AXDND1: variants seen among roughly 807,000 people sequenced by gnomAD.
AXDND1 encodes axonemal dynein light chain domain containing 1, also known as axonemal dynein light chain domain-containing protein 1.
A neutral mutation model predicts 137.5 loss-of-function variants in AXDND1; 110 were observed. The ratio of observed to expected loss-of-function variants is 0.80; its 90% CI spans 0.69 to 0.94. The LOEUF is 0.94. Ranked by LOEUF, AXDND1 falls within the 40% of genes least tolerant of loss-of-function variation. The pLI is 0.00. For synonymous variants in AXDND1, 414 were observed against 399.7 expected (o/e 1.04, Z -0.43); for missense variants, 1,191 against 1,169.8 (o/e 1.02, Z -0.26).
At chr1:179,410,473 C>G (rs1417444114) in intron 11 of AXDND1, among the ~76,000 whole-genome samples, 1 of 152,234 alleles carries the variant, frequency 6.6e-6, no homozygotes, top group Non-Finnish European at 1.5e-5. Flanking sequence ...GGTGATCTAC[C>G]TGCCTCGGCC....
intron 23 of AXDND1, among the ~76,000 whole-genome samples, chr1:179,531,766 A>G (rs1671056254): frequency 6.6e-6 from 1 of 152,174 alleles, no homozygotes; most frequent in Non-Finnish European, 1.5e-5. Context: ...CCCAAAGCCC[A>G]TTAGTAGAGT....
At chr1:179,393,008 G>A (rs1470879472) in intron 9 of AXDND1, among the ~76,000 whole-genome samples, 1 of 151,906 alleles carries the variant, frequency 6.6e-6, no homozygotes, top group Non-Finnish European at 1.5e-5. Context: ...TGTTTTTGTT[G>A]CATTTGCTTT....
At chr1:179,405,232 T>C (rs1652763117) in intron 11 of AXDND1, among the ~76,000 whole-genome samples, 1 of 152,190 alleles carries the variant, frequency 6.6e-6, no homozygotes, top group African/African-American at 2.4e-5. Flanking sequence ...TTCATCCATG[T>C]CCCTGCAAAG....
chr1:179,456,885 G>C (rs930558655), intron 16 of AXDND1: 5 of 914,730 alleles, frequency 5.5e-6, no homozygotes, highest in Non-Finnish European at 9.0e-6. Context: ...ATTGTCAAAG[G>C]TTACAAAGGC....
In AXDND1 at chr1:179,385,296, A is replaced by G. The variant is rs772429676; in HGVS notation, c.800A>G (p.His267Arg). 3 of 1,613,322 alleles carry G rather than the reference A, an allele frequency of 1.9e-6. No individual in the cohort carries two copies. Among genetic ancestry groups the G allele is most frequent in the Admixed American group, 3.3e-5 (2 of 60,028 alleles). ...KEQTIYNMIF[H>R]ELIRQVSVDC... ...CAGACCATTTACAACATGATATTTC[A>G]TGAACTTATTCGACAAGTCAGTGTG... The change falls in exon 9 of 26, where the codon CAT becomes CGT. Residue 267 changes from histidine to arginine, a missense_variant. Coordinates refer to ENST00000367618, the MANE Select transcript of AXDND1 (RefSeq NM_144696.6).
At chr1:179,534,389 A>C (rs1433033722) in intron 24 of AXDND1, 3 of 201,356 alleles carry the variant, frequency 1.5e-5, no homozygotes, top group Admixed American at 5.3e-5. Context: ...GACTCTGTTG[A>C]ATTTAGTTTG....
At chr1:179,382,023 C>T (rs1648437143) in intron 6 of AXDND1, among the ~76,000 whole-genome samples, 1 of 143,032 alleles carries the variant, frequency 7.0e-6, no homozygotes, top group Non-Finnish European at 1.5e-5. Context: ...TGAACTCCTG[C>T]CTTGGCCTCT....
At chr1:179,418,059 G>A (rs1654980732) in intron 12 of AXDND1, among the ~76,000 whole-genome samples, 1 of 151,070 alleles carries the variant, frequency 6.6e-6, no homozygotes, top group Non-Finnish European at 1.5e-5. Flanking sequence ...CAGGGTCATA[G>A]GACAATAGTG....
intron 15 of AXDND1, among the ~76,000 whole-genome samples, chr1:179,438,348 C>T (rs2125339420): frequency 6.6e-6 from 1 of 152,200 alleles, no homozygotes; most frequent in South Asian, 2.1e-4. Context: ...TGTACTTGTT[C>T]CCCTAACCAT....
At chr1:179,410,062 T>A (rs78488371) in intron 11 of AXDND1, among the ~76,000 whole-genome samples, 16,090 of 152,174 alleles carry the variant, frequency 0.11, 975 homozygotes, top group African/African-American at 0.14. Flanking sequence ...TCAGTGAATT[T>A]GTACATGTGT....
At chr1:179,551,890 T>C (rs147168705) in intron 25 of AXDND1, 48 of 200,666 alleles carry the variant, frequency 2.4e-4, no homozygotes, top group African/African-American at 9.6e-4. Flanking sequence ...TGAAGAGGAC[T>C]TCACTCAGAG....
Position 179,498,037 on chromosome 1 carries a change from T to C in AXDND1, c.2388+5086T>C, listed in dbSNP as rs529126056. 3.3e-5 allele frequency among the ~76,000 whole-genome samples: 5 copies of C among 152,324 alleles called. No individual in the cohort carries two copies. In the South Asian group the frequency reaches 1.0e-3, roughly 32 times the overall value. ...CACAAATTAATGGAAAAACATTTCATGCTCATGGATAAGAAGAATCAATAT... is the reference window on the plus strand; with the variant it reads ...CACAAATTAATGGAAAAACATTTCACGCTCATGGATAAGAAGAATCAATAT... On this transcript the variant is annotated intron_variant, in intron 20 of 25. Coordinates refer to ENST00000367618, the MANE Select transcript of AXDND1 (RefSeq NM_144696.6).
chr1:179,542,326 T>C (rs927863202), intron 25 of AXDND1, among the ~76,000 whole-genome samples: 4 of 152,230 alleles, frequency 2.6e-5, no homozygotes, highest in Admixed American at 2.0e-4. Context: ...TTTTTCTCTG[T>C]CAGTCCTATC....
At chr1:179,451,046 T>C (rs1660482673) in intron 16 of AXDND1, 1 of 152,246 alleles carries the variant, frequency 6.6e-6, no homozygotes, top group Admixed American at 6.5e-5. Context: ...TCTGTAGCTT[T>C]TCTTTCTTGT....
chr1:179,457,990 C>T (rs1209881508), intron 16 of AXDND1, among the ~76,000 whole-genome samples: 2 of 145,608 alleles, frequency 1.4e-5, no homozygotes, highest in East Asian at 2.0e-4. Flanking sequence ...CTTTCCTTCT[C>T]TTTTTTTTTT....
At chr1:179,500,300 G>GTA (rs201532476) in intron 20 of AXDND1, among the ~76,000 whole-genome samples, 59 of 137,844 alleles carry the variant, frequency 4.3e-4, no homozygotes, top group African/African-American at 5.1e-4. Flanking sequence ...GGCTATATAT[G>GTA]TATATATATA....
chr1:179,424,223 G>C (rs1656225614), intron 12 of AXDND1, among the ~76,000 whole-genome samples: 1 of 151,950 alleles, frequency 6.6e-6, no homozygotes, highest in African/African-American at 2.4e-5. Context: ...TGAGAAGTCT[G>C]TTGCTAGGTA....
Position 179,432,244 on chromosome 1 carries a change from CTTT to C in AXDND1, c.1488-14_1488-12del. On this transcript the variant is annotated intron_variant, in intron 14 of 25. Transcript: ENST00000367618. ...TTATGTCTTGTTCTGAGATGTTTCT[CTTT>C]TTTTTTTTCTTCTTTTCAGTGAAAA... The C allele has an allele frequency of 1.5e-6, 2 of 1,321,514 alleles. No individual in the cohort carries two copies. The highest frequency in any genetic ancestry group is 3.0e-5 in the East Asian group (1 of 33,432). The allele number at this position is 1,321,514 out of a possible 1,614,324, so 81.9% of individuals were successfully genotyped here. A position where few individuals can be genotyped will look rare whatever the true frequency, so the allele number is the denominator to read the frequency against.
At position 179,426,327 on chromosome 1, in the gene AXDND1, A is replaced by C. The variant is rs528744320; in HGVS notation, c.1231-3191A>C. Among the ~76,000 whole-genome samples the C allele has an allele frequency of 2.0e-5, 3 of 152,224 alleles. No homozygotes were observed. The South Asian group carries it at 6.2e-4, about 31-fold the overall frequency. Reference sequence around the variant, plus strand: ...AGTAGGCACAGACTATAAACAGATAATTCAGAGTAAGAAATTCAAATAGCC... The same window carrying C: ...AGTAGGCACAGACTATAAACAGATACTTCAGAGTAAGAAATTCAAATAGCC... On this transcript the variant is annotated intron_variant, in intron 12 of 25. Coordinates refer to ENST00000367618, the MANE Select transcript of AXDND1 (RefSeq NM_144696.6).
Sources: gnomAD v4.1 joint callset for allele counts (sites outside exome capture counted in the v4.1 genomes callset) on GRCh38, gnomAD v4.1.1 for gene constraint, MANE v1.5 for transcripts, NCBI Gene and HGNC (gene_info 2026-07-23, HGNC 2026-07-21) for gene names.